The following CNTNAP2 variants were observed in gnomAD, a reference collection of about 807,000 sequenced individuals.
The protein encoded by CNTNAP2 is contactin associated protein 2.
CNTNAP2 carries 98 observed loss-of-function variants against 155.2 expected under a neutral mutation model. The observed-to-expected ratio is 0.63, with a 90% CI of 0.54 to 0.75. The LOEUF is 0.75. Ranked by LOEUF, CNTNAP2 falls within the 30% of genes least tolerant of loss-of-function variation. The probability of loss-of-function intolerance (pLI) is 0.00; values close to 1 mark genes in which losing one functional copy is unlikely to be tolerated. For missense variants in CNTNAP2, 1,727 were observed against 1,688.1 expected (o/e 1.02, Z -0.40); for synonymous variants, 651 against 631.2 (o/e 1.03, Z -0.47).
At chr7:147,615,277 CAAAAAAAAAAAAA>C (rs58247626) in intron 12 of CNTNAP2, among the ~76,000 whole-genome samples, 15 of 28,046 alleles carry the variant, frequency 5.3e-4, no homozygotes, top group Admixed American at 1.6e-3. Context: ...GACCCTGTCT[CAAAAAAAAAAAAA>C]AAAAAAAAAA....
chr7:146,140,180 C>T (rs111437875), intron 1 of CNTNAP2, among the ~76,000 whole-genome samples: 3,071 of 152,148 alleles, frequency 0.02, 46 homozygotes, highest in Middle Eastern at 0.044. Flanking sequence ...AAATTCCATT[C>T]AACAATTCAC....
At chr7:147,384,618 G>A (rs1796596247) in intron 9 of CNTNAP2, among the ~76,000 whole-genome samples, 1 of 152,134 alleles carries the variant, frequency 6.6e-6, no homozygotes, top group African/African-American at 2.4e-5. Flanking sequence ...AAAATTATCA[G>A]ACACTATGAA....
chr7:147,006,724 A>T (rs1192093378), intron 3 of CNTNAP2, among the ~76,000 whole-genome samples: 1 of 152,090 alleles, frequency 6.6e-6, no homozygotes, highest in East Asian at 1.9e-4. Context: ...ATACACTTCT[A>T]GTCATCTTCC....
chr7:147,841,801 T>C (rs1481595580), intron 13 of CNTNAP2, among the ~76,000 whole-genome samples: 1 of 152,194 alleles, frequency 6.6e-6, no homozygotes, highest in Non-Finnish European at 1.5e-5. Flanking sequence ...TTTTTATGTG[T>C]TGATCAATTA....
intron 13 of CNTNAP2, among the ~76,000 whole-genome samples, chr7:147,696,088 T>G (rs1048702896): frequency 6.6e-6 from 1 of 152,236 alleles, no homozygotes; most frequent in Non-Finnish European, 1.5e-5. Context: ...GTGAATTTCA[T>G]GTACAACACA....
chr7:148,224,720 A>G (rs1795815099), intron 19 of CNTNAP2, among the ~76,000 whole-genome samples: 1 of 152,220 alleles, frequency 6.6e-6, no homozygotes, highest in Non-Finnish European at 1.5e-5. Flanking sequence ...GGCAATTTAT[A>G]AACGAAAGAT....
At chr7:146,792,449 C>A (rs1293349001) in intron 2 of CNTNAP2, among the ~76,000 whole-genome samples, 1 of 152,152 alleles carries the variant, frequency 6.6e-6, no homozygotes, top group Non-Finnish European at 1.5e-5. Flanking sequence ...TTGATCCCTT[C>A]AGCCATGGCC....
chr7:146,551,618 T>C (rs1384284460), intron 1 of CNTNAP2, among the ~76,000 whole-genome samples: 1 of 151,938 alleles, frequency 6.6e-6, no homozygotes, highest in African/African-American at 2.4e-5. Flanking sequence ...AAAAAAAGAA[T>C]AAGAGGCCAA....
intron 3 of CNTNAP2, among the ~76,000 whole-genome samples, chr7:146,978,540 A>G (rs1035352189): frequency 6.6e-6 from 1 of 152,126 alleles, no homozygotes; most frequent in African/African-American, 2.4e-5. Context: ...TTGTCAAAAG[A>G]CTATTTAAGA....
At chr7:147,456,315 T>C (rs916891540) in intron 10 of CNTNAP2, among the ~76,000 whole-genome samples, 2 of 152,092 alleles carry the variant, frequency 1.3e-5, no homozygotes, top group African/African-American at 4.8e-5. Context: ...TGCTTACAGA[T>C]GATATTATTA....
intron 1 of CNTNAP2, among the ~76,000 whole-genome samples, chr7:146,186,722 C>T (rs2116845102): frequency 6.6e-6 from 1 of 152,208 alleles, no homozygotes; most frequent in Non-Finnish European, 1.5e-5. Context: ...TTATGGAAGA[C>T]AAATCTGAAA....
At chr7:147,747,220 C>T (rs1026785662) in intron 13 of CNTNAP2, among the ~76,000 whole-genome samples, 11 of 152,168 alleles carry the variant, frequency 7.2e-5, no homozygotes, top group African/African-American at 2.7e-4. Flanking sequence ...TAGGAGTCTT[C>T]CTCCTTCAAT....
chr7:147,891,246 C>T (rs371636731), intron 13 of CNTNAP2, among the ~76,000 whole-genome samples: 4 of 151,752 alleles, frequency 2.6e-5, no homozygotes. Flanking sequence ...ACTCTGTCGC[C>T]CAGGCTGGAG....
chr7:146,284,399 T>G (rs547494097), intron 1 of CNTNAP2, among the ~76,000 whole-genome samples: 20 of 152,120 alleles, frequency 1.3e-4, no homozygotes, highest in Non-Finnish European at 2.8e-4. Context: ...CATAAAAGCT[T>G]TACAAGGTTG....
intron 13 of CNTNAP2, among the ~76,000 whole-genome samples, chr7:147,852,946 C>T (rs772025646): frequency 5.3e-5 from 8 of 152,138 alleles, no homozygotes; most frequent in Non-Finnish European, 1.0e-4. Context: ...ATCCAGTGCT[C>T]AAGTAGGACC....
chr7:146,402,547 C>CT (rs1429260356), intron 1 of CNTNAP2, among the ~76,000 whole-genome samples: 1 of 152,094 alleles, frequency 6.6e-6, no homozygotes, highest in Non-Finnish European at 1.5e-5. Flanking sequence ...CAGTAACACT[C>CT]TAATTATATC....
chr7:147,735,676 G>A (rs13245405), intron 13 of CNTNAP2, among the ~76,000 whole-genome samples: 88,563 of 152,054 alleles, frequency 0.58, 28,599 homozygotes, highest in East Asian at 0.9. Flanking sequence ...TGTAGGTGTC[G>A]AAAGACTTGC....
rs539888005 is a variant in CNTNAP2 at position 147,516,535 on chromosome 7, C to T, written c.1777+30494C>T. On this transcript the variant is annotated intron_variant, in intron 11 of 23. Coordinates refer to ENST00000361727, the MANE Select transcript of CNTNAP2 (RefSeq NM_014141.6). Reference sequence around the variant, plus strand: ...GGGATAAAGCAATACTGCTGAAGTACGTAACCACATTCTGATGATGTATGT... The same window carrying T: ...GGGATAAAGCAATACTGCTGAAGTATGTAACCACATTCTGATGATGTATGT... Among the ~76,000 whole-genome samples the T allele has an allele frequency of 1.5e-4, 23 of 152,142 alleles. 1 individual carries two copies. The East Asian group carries it at 3.3e-3, about 22-fold the overall frequency.
intron 1 of CNTNAP2, among the ~76,000 whole-genome samples, chr7:146,252,150 C>T (rs1166762747): frequency 6.6e-6 from 1 of 152,142 alleles, no homozygotes; most frequent in African/African-American, 2.4e-5. Context: ...AAACCTTTTG[C>T]TTAATCATAC....
Sources: gnomAD v4.1 joint callset for allele counts (sites outside exome capture counted in the v4.1 genomes callset) on GRCh38, gnomAD v4.1.1 for gene constraint, MANE v1.5 for transcripts, NCBI Gene and HGNC (gene_info 2026-07-23, HGNC 2026-07-21) for gene names.